DCP1B: variants seen among roughly 807,000 people sequenced by gnomAD.
The protein encoded by DCP1B is mRNA-decapping enzyme 1B.
Under a neutral mutation model 60.5 loss-of-function variants are expected in DCP1B, and 47 were observed. The observed-to-expected ratio is 0.78, with a 90% CI of 0.61 to 0.99. The LOEUF (loss-of-function observed/expected upper bound fraction) is 0.99, where lower values mean the gene tolerates loss of function less well. Ranked by LOEUF, DCP1B falls within the 50% of genes least tolerant of loss-of-function variation. The pLI is 0.00. For synonymous variants in DCP1B, 267 were observed against 280.3 expected (o/e 0.95, Z 0.47); for missense variants, 725 against 756.8 (o/e 0.96, Z 0.49).
At chr12:1,982,951 T>C (rs2036573652) in intron 3 of DCP1B, among the ~76,000 whole-genome samples, 1 of 152,146 alleles carries the variant, frequency 6.6e-6, no homozygotes, top group Non-Finnish European at 1.5e-5. Context: ...ATTCAATTCC[T>C]TATTATGGGA....
intron 1 of DCP1B, among the ~76,000 whole-genome samples, chr12:2,002,931 T>G (rs955428017): frequency 2.0e-5 from 3 of 152,094 alleles, no homozygotes; most frequent in Non-Finnish European, 4.4e-5. Context: ...ACAAAAAAAG[T>G]AGGTGACAAA....
At chr12:1,964,667 A>G (rs2031234639) in intron 5 of DCP1B, among the ~76,000 whole-genome samples, 1 of 152,174 alleles carries the variant, frequency 6.6e-6, no homozygotes, top group South Asian at 2.1e-4. Context: ...AACACCATTT[A>G]TTTAGGAATT....
chr12:1,970,234 G>T (rs1011347021), intron 3 of DCP1B, among the ~76,000 whole-genome samples: 3 of 152,172 alleles, frequency 2.0e-5, no homozygotes, highest in African/African-American at 4.8e-5. Flanking sequence ...AAATGTCAAA[G>T]CAAAATGAAG....
chr12:1,987,630 C>A (rs1221886415), intron 3 of DCP1B, among the ~76,000 whole-genome samples: 1 of 152,114 alleles, frequency 6.6e-6, no homozygotes, highest in African/African-American at 2.4e-5. Flanking sequence ...ATCCCTTTCC[C>A]ATATATCATG....
Position 1,953,096 on chromosome 12 carries a change from G to GAGGAA in DCP1B, c.843_844insTTCCT (p.His282PhefsTer103). ...AGCTGCTTCTCAATGGGGGGTGAGTGTCTTCTGGGTTCCTCATAGGACAGG... is the reference window on the plus strand; with the variant it reads ...AGCTGCTTCTCAATGGGGGGTGAGTGAGGAATCTTCTGGGTTCCTCATAGGACAGG... On this transcript the variant is annotated frameshift_variant, in exon 7 of 9. Transcript: ENST00000280665. LOFTEE classifies it high-confidence loss of function. 6.2e-7 allele frequency: 1 copy of GAGGAA among 1,614,120 alleles called. No individual in the cohort carries two copies.
At chr12:1,996,836 C>A (rs1410692086) in intron 2 of DCP1B, among the ~76,000 whole-genome samples, 1 of 151,972 alleles carries the variant, frequency 6.6e-6, no homozygotes, top group Non-Finnish European at 1.5e-5. Flanking sequence ...GATACTCTAT[C>A]CTGTATTGTG....
At chr12:1,997,796 A>G (rs1252965025) in intron 2 of DCP1B, 139 bp downstream of exon 2, 1 of 713,506 alleles carries the variant, frequency 1.4e-6, no homozygotes, top group African/African-American at 1.8e-5. Flanking sequence ...CTTCGTGTCA[A>G]CTAATAATTT....
rs114889654 is a variant in DCP1B at position 1,956,337 on chromosome 12, C to T, written c.523-777G>A. 8.8e-3 allele frequency among the ~76,000 whole-genome samples: 1,338 copies of T among 152,320 alleles called. 13 individuals are homozygous for T. The highest frequency in any genetic ancestry group is 0.03 in the African/African-American group (1,262 of 41,572). On this transcript the variant is annotated intron_variant, in intron 5 of 8. Coordinates refer to ENST00000280665, the MANE Select transcript of DCP1B (RefSeq NM_152640.5). ...ATATAAAATGCTGCTTTCTGTACTA[C>T]AGACTCTCTGAAGCATCATTTGTTT...
chr12:2,003,708 A>G (rs2042707951), intron 1 of DCP1B, among the ~76,000 whole-genome samples: 1 of 152,198 alleles, frequency 6.6e-6, no homozygotes, highest in South Asian at 2.1e-4. Flanking sequence ...CAAGAGCATC[A>G]GCTTCCTTCT....
chr12:1,953,267 G>A lies in DCP1B; in HGVS notation c.673C>T (p.His225Tyr), dbSNP rs1360742869. 6.3e-7 allele frequency: 1 copy of A among 1,599,626 alleles called. No homozygotes were observed. Among genetic ancestry groups the A allele is most frequent in the Non-Finnish European group, 8.5e-7 (1 of 1,178,568 alleles). ...CCAAACAGAGCTGTCAAGGATAAGT[G>A]TTGGGGTTCAGGGTCTAAGGTCTGG... ...PNQTLDPEPQ[H>Y]LSLTALFGKQ... Residue 225 changes from histidine (H) to tyrosine (Y), a missense_variant, in exon 7 of 9, where the codon CAC becomes TAC. By Grantham distance (83) the His-to-Tyr change is moderately conservative. Coordinates refer to ENST00000280665, the MANE Select transcript of DCP1B (RefSeq NM_152640.5).
At chr12:1,960,019 T>C (rs1295513142) in intron 5 of DCP1B, among the ~76,000 whole-genome samples, 1 of 151,884 alleles carries the variant, frequency 6.6e-6, no homozygotes, top group Non-Finnish European at 1.5e-5. Flanking sequence ...AACTACCACA[T>C]GATCGAAGAA....
intron 3 of DCP1B, among the ~76,000 whole-genome samples, chr12:1,975,010 C>T (rs1312356718): frequency 6.6e-6 from 1 of 152,100 alleles, no homozygotes; most frequent in Non-Finnish European, 1.5e-5. Flanking sequence ...AATAGCTCTG[C>T]TGAAAATAGC....
At chr12:1,979,670 GT>G (rs2035556115) in intron 3 of DCP1B, among the ~76,000 whole-genome samples, 1 of 152,236 alleles carries the variant, frequency 6.6e-6, no homozygotes, top group Admixed American at 6.5e-5. Context: ...CTAGTTATAT[GT>G]TTAAGTTTAT....
Position 1,982,213 on chromosome 12 carries a change from T to A in DCP1B, c.319+11051A>T, listed in dbSNP as rs567262424. Among the ~76,000 whole-genome samples the A allele has an allele frequency of 8.7e-4, 132 of 152,316 alleles. 2 individuals are homozygous for A. The highest frequency in any genetic ancestry group is 3.1e-3 in the African/African-American group (129 of 41,588). On this transcript the variant is annotated intron_variant, in intron 3 of 8. Coordinates refer to ENST00000280665, the MANE Select transcript of DCP1B (RefSeq NM_152640.5). ...AATTTGCTAGTATTTTTTCCTTTTT[T>A]ATTGTGTTAAAATATTAAAAACATT...
At position 1,962,720 on chromosome 12, in the gene DCP1B, C is replaced by T. The variant is rs1010233706; in HGVS notation, c.522+2838G>A. 1.3e-5 allele frequency among the ~76,000 whole-genome samples: 2 copies of T among 152,120 alleles called. No individual in the cohort carries two copies. Among genetic ancestry groups the T allele is most frequent in the East Asian group, 1.9e-4 (1 of 5,184 alleles). On this transcript the variant is annotated intron_variant, in intron 5 of 8. Transcript: ENST00000280665. This position sits in a 1 kb window ranked among gnomAD's most constrained non-coding sequence, Gnocchi z 4.4. ...CTGTCTGAAGCTGAGATTAAGGCATCTCTGTCCAGGCCATACAATAGAAGG... is the reference window on the plus strand; with the variant it reads ...CTGTCTGAAGCTGAGATTAAGGCATTTCTGTCCAGGCCATACAATAGAAGG...
intron 1 of DCP1B, 111 bp downstream of exon 1, chr12:2,004,171 T>A (rs1324859538): frequency 1.4e-6 from 2 of 1,478,578 alleles, no homozygotes; most frequent in Non-Finnish European, 1.8e-6. Flanking sequence ...TCCACCCACT[T>A]CCAGGGCGTC....
chr12:1,992,495 A>G (rs2039667401), intron 3 of DCP1B: 1 of 153,742 alleles, frequency 6.5e-6, no homozygotes, highest in African/African-American at 2.4e-5. Flanking sequence ...TCCACAAAGC[A>G]TAAGGTGCAT....
At chr12:1,960,500 G>A (rs2031083627) in intron 5 of DCP1B, among the ~76,000 whole-genome samples, 1 of 152,122 alleles carries the variant, frequency 6.6e-6, no homozygotes, top group South Asian at 2.1e-4. Flanking sequence ...CTAATATATT[G>A]TATACTGAAA....
intron 3 of DCP1B, among the ~76,000 whole-genome samples, chr12:1,988,387 C>T (rs536123302): frequency 6.6e-6 from 1 of 152,288 alleles, no homozygotes; most frequent in East Asian, 1.9e-4. Flanking sequence ...CTTTCAGCCA[C>T]ATTTCACTGG....
Sources: allele counts gnomAD v4.1 joint callset (sites outside exome capture counted in the v4.1 genomes callset), GRCh38; gene constraint gnomAD v4.1.1; non-coding constraint Gnocchi (gnomAD v3.1); transcripts MANE v1.5; gene names NCBI Gene and HGNC (gene_info 2026-07-23, HGNC 2026-07-21).